AGBL4: variants seen among roughly 807,000 people sequenced by gnomAD.
The protein encoded by AGBL4 is cytosolic carboxypeptidase 6.
Under a neutral mutation model 66.4 loss-of-function variants are expected in AGBL4, and 58 were observed. The observed-to-expected ratio is 0.87, with a 90% CI of 0.71 to 1.09. The LOEUF (loss-of-function observed/expected upper bound fraction) is 1.09, where lower values mean the gene tolerates loss of function less well. Ranked by LOEUF, AGBL4 falls within the 50% of genes least tolerant of loss-of-function variation. The pLI, the probability that AGBL4 is intolerant of heterozygous loss-of-function variation, is 0.00. For missense variants in AGBL4, 579 were observed against 631.0 expected (o/e 0.92, Z 0.88); for synonymous variants, 234 against 222.9 (o/e 1.05, Z -0.44).
At chr1:48,750,077 AC>A (rs1557942866) in intron 6 of AGBL4, among the ~76,000 whole-genome samples, 1 of 152,102 alleles carries the variant, frequency 6.6e-6, no homozygotes, top group Non-Finnish European at 1.5e-5. Flanking sequence ...TCAATCCATG[AC>A]CCTGACCTCT....
intron 4 of AGBL4, among the ~76,000 whole-genome samples, chr1:49,080,852 G>GT (rs752867656): frequency 5.5e-4 from 83 of 151,992 alleles, no homozygotes; most frequent in Non-Finnish European, 9.3e-4. Flanking sequence ...AAATTATGTG[G>GT]TTTTTCATAT....
chr1:49,438,564 T>A (rs1399004566), intron 3 of AGBL4, among the ~76,000 whole-genome samples: 1 of 152,108 alleles, frequency 6.6e-6, no homozygotes, highest in Non-Finnish European at 1.5e-5. Flanking sequence ...CCAATGGACA[T>A]CGCCAAAATT....
chr1:48,812,937 A>G (rs1402274200), intron 6 of AGBL4, among the ~76,000 whole-genome samples: 16 of 151,158 alleles, frequency 1.1e-4, no homozygotes, highest in Non-Finnish European at 1.5e-4. Flanking sequence ...AGGAAGGGGA[A>G]CATCACACAC....
chr1:49,621,417 G>A (rs2124301452), intron 3 of AGBL4, among the ~76,000 whole-genome samples: 1 of 152,268 alleles, frequency 6.6e-6, no homozygotes, highest in African/African-American at 2.4e-5. Flanking sequence ...AAAGGAAGGA[G>A]GAAGTAACTT....
intron 1 of AGBL4, among the ~76,000 whole-genome samples, chr1:49,935,696 C>T (rs973487616): frequency 3.3e-5 from 5 of 152,170 alleles, no homozygotes; most frequent in East Asian, 3.8e-4. Context: ...CGCTGTTCTA[C>T]GGCCACCGCT....
intron 2 of AGBL4, among the ~76,000 whole-genome samples, chr1:49,777,067 G>A (rs1302420788): frequency 6.6e-6 from 1 of 152,154 alleles, no homozygotes; most frequent in Non-Finnish European, 1.5e-5. Context: ...GGTATGAAAA[G>A]TGTTTGAAAA....
At chr1:48,929,294 A>C (rs1654841815) in intron 5 of AGBL4, among the ~76,000 whole-genome samples, 1 of 152,100 alleles carries the variant, frequency 6.6e-6, no homozygotes, top group Non-Finnish European at 1.5e-5. Context: ...CTACATCTCA[A>C]GTCTCATCCT....
chr1:49,437,055 G>A (rs1645919849), intron 3 of AGBL4, among the ~76,000 whole-genome samples: 1 of 152,172 alleles, frequency 6.6e-6, no homozygotes, highest in Admixed American at 6.5e-5. Context: ...GAATTCCACG[G>A]TGGTGGGGAG....
At chr1:48,588,690 T>G (rs1644862815) in intron 10 of AGBL4, among the ~76,000 whole-genome samples, 1 of 151,906 alleles carries the variant, frequency 6.6e-6, no homozygotes, top group Admixed American at 6.6e-5. Flanking sequence ...TGTGTCTATT[T>G]TAAGGTAAAG....
At chr1:50,016,258 A>G (rs1482802764) in intron 1 of AGBL4, among the ~76,000 whole-genome samples, 2 of 152,162 alleles carry the variant, frequency 1.3e-5, no homozygotes, top group Non-Finnish European at 2.9e-5. Context: ...CAGAATCTAT[A>G]AGGAACTTAA....
rs1250569140 is a variant in AGBL4 at position 48,907,046 on chromosome 1, A to G, written c.595-39816T>C. Among the ~76,000 whole-genome samples, 3 of 152,308 alleles carry G rather than the reference A, an allele frequency of 2.0e-5. No individual in the cohort carries two copies. In the East Asian group the frequency reaches 5.8e-4, roughly 29 times the overall value. On this transcript the variant is annotated intron_variant, in intron 5 of 13. Coordinates refer to ENST00000371839, the MANE Select transcript of AGBL4 (RefSeq NM_032785.4). ...CTGGGATGCCACTTAAACTTTCTGTATCTTGCTTCCCTCACTGGACAATGT... is the reference window on the plus strand; with the variant it reads ...CTGGGATGCCACTTAAACTTTCTGTGTCTTGCTTCCCTCACTGGACAATGT...
the AGBL4 span, among the ~76,000 whole-genome samples, chr1:48,525,449 AG>A: frequency 6.6e-6 from 1 of 152,218 alleles, no homozygotes; most frequent in African/African-American, 2.4e-5. Context: ...GAGACACTTC[AG>A]GTTAAAAGCA....
chr1:49,883,292 T>C (rs567761677), intron 1 of AGBL4, among the ~76,000 whole-genome samples: 5 of 152,204 alleles, frequency 3.3e-5, no homozygotes, highest in African/African-American at 9.6e-5. Flanking sequence ...GATATATGCA[T>C]ATTTGTTTTT....
chr1:48,733,832 G>A (rs149329941), intron 6 of AGBL4, among the ~76,000 whole-genome samples: 6 of 152,254 alleles, frequency 3.9e-5, no homozygotes, highest in African/African-American at 1.4e-4. Flanking sequence ...TTCAACCTTC[G>A]TTTACTGAGT....
chr1:49,095,291 A>AT (rs1227382984), intron 4 of AGBL4, among the ~76,000 whole-genome samples: 1 of 152,220 alleles, frequency 6.6e-6, no homozygotes, highest in African/African-American at 2.4e-5. Context: ...TGCCATCCCC[A>AT]TCAAGCTACC....
intron 3 of AGBL4, among the ~76,000 whole-genome samples, chr1:49,387,621 A>T (rs577023010): frequency 2.2e-4 from 34 of 152,172 alleles, no homozygotes; most frequent in African/African-American, 8.2e-4. Flanking sequence ...AACATTCAAA[A>T]ATTCAGTAAT....
chr1:49,200,935 C>A (rs890027850), intron 4 of AGBL4, among the ~76,000 whole-genome samples: 1 of 152,170 alleles, frequency 6.6e-6, no homozygotes, highest in African/African-American at 2.4e-5. Flanking sequence ...GCAACTTGAT[C>A]TTTCCTGTGA....
intron 3 of AGBL4, among the ~76,000 whole-genome samples, chr1:49,657,189 CACAA>C (rs1397363024): frequency 6.6e-6 from 1 of 152,128 alleles, no homozygotes; most frequent in Non-Finnish European, 1.5e-5. Flanking sequence ...GTGCAAAAAT[CACAA>C]ACATTCTTAT....
chr1:49,116,905 TTGA>T, intron 4 of AGBL4, among the ~76,000 whole-genome samples: 1 of 152,350 alleles, frequency 6.6e-6, no homozygotes, highest in Admixed American at 6.5e-5. Context: ...TTTTTAATGA[TTGA>T]CATTCTAACT....
Sources: gnomAD v4.1 joint callset for allele counts (sites outside exome capture counted in the v4.1 genomes callset) on GRCh38, gnomAD v4.1.1 for gene constraint, MANE v1.5 for transcripts, NCBI Gene and HGNC (gene_info 2026-07-23, HGNC 2026-07-21) for gene names.